LCORL: variants seen among roughly 807,000 people sequenced by gnomAD.
LCORL encodes ligand dependent nuclear receptor corepressor like.
LCORL carries 41 observed loss-of-function variants against 141.8 expected under a neutral mutation model. That is an observed-to-expected ratio of 0.29 (90% CI 0.23 to 0.38). LCORL has a LOEUF of 0.38. Among genes scored for constraint, LCORL ranks in the 10% least tolerant of loss-of-function variants. The pLI, the probability that LCORL is intolerant of heterozygous loss-of-function variation, is 1.00. For synonymous variants in LCORL, 618 were observed against 694.1 expected (o/e 0.89, Z 1.72); for missense variants, 1,759 against 2,035.0 (o/e 0.86, Z 2.61).
In LCORL at chr4:17,949,455, C is replaced by T. The variant is rs1243752075; in HGVS notation, c.430+12448G>A. Reference sequence around the variant, plus strand: ...GATTTTTTATTTGCCAACCTTGGCCCTCTAGCCTCTAGATAATTGTGAGAG... The same window carrying T: ...GATTTTTTATTTGCCAACCTTGGCCTTCTAGCCTCTAGATAATTGTGAGAG... On this transcript the variant is annotated intron_variant, in intron 4 of 7. Transcript: ENST00000635767. Among the ~76,000 whole-genome samples, 4 of 152,040 alleles carry T rather than the reference C, an allele frequency of 2.6e-5. No homozygotes were observed. In the East Asian group the frequency reaches 7.7e-4, roughly 29 times the overall value.
intron 1 of LCORL, among the ~76,000 whole-genome samples, chr4:18,018,289 C>T (rs1724927998): frequency 6.6e-6 from 1 of 152,234 alleles, no homozygotes; most frequent in South Asian, 2.1e-4. Context: ...TACTAGGATA[C>T]TATTTACTAC....
intron 1 of LCORL, among the ~76,000 whole-genome samples, chr4:17,985,001 T>A (rs1718703271): frequency 6.6e-6 from 1 of 152,122 alleles, no homozygotes; most frequent in Admixed American, 6.6e-5. Context: ...TTTGCTTTAA[T>A]TTCATTATTT....
At chr4:17,913,522 G>T (rs112865585) in intron 4 of LCORL, among the ~76,000 whole-genome samples, 2 of 152,296 alleles carry the variant, frequency 1.3e-5, no homozygotes, top group African/African-American at 4.8e-5. Context: ...GAATGTTCAA[G>T]GCATTTTGCT....
intron 5 of LCORL, among the ~76,000 whole-genome samples, chr4:17,887,848 G>C (rs1360942995): frequency 6.6e-6 from 1 of 152,062 alleles, no homozygotes. Flanking sequence ...TCGTTTCTGG[G>C]CTTTCACACT....
chr4:17,880,784 A>G, intron 6 of LCORL: 1 of 934,246 alleles, frequency 1.1e-6, no homozygotes, highest in Non-Finnish European at 1.3e-6. Context: ...CAAAGTAGGA[A>G]CAGAATTACA....
chr4:17,874,311 G>A (rs1456967518), exon 7 of LCORL: 2 of 1,233,736 alleles, frequency 1.6e-6, no homozygotes, highest in Non-Finnish European at 2.0e-6. Flanking sequence ...AGAAGAGAGT[G>A]CAAATTTTTT....
chr4:18,021,674 G>A lies in LCORL; in HGVS notation c.78C>T (p.Ser26=). The A allele has an allele frequency of 6.5e-7, 1 of 1,542,004 alleles. No homozygotes were observed. The highest frequency in any genetic ancestry group is 8.7e-7 in the Non-Finnish European group (1 of 1,143,792). ...CTCTTCTCTCCGCCGCGCACCGAGG[G>A]CTCCGGCACTGAGCGGCGGCGGCGG... The change falls in exon 1 of 8, where the codon AGC becomes AGT. Residue 26 remains serine, a synonymous_variant. Coordinates refer to ENST00000635767, the Ensembl canonical transcript of LCORL. This position sits in a 1 kb window ranked among gnomAD's most constrained non-coding sequence, Gnocchi z 5.5.
At chr4:17,998,903 T>C (rs1042015055) in intron 1 of LCORL, among the ~76,000 whole-genome samples, 3 of 139,262 alleles carry the variant, frequency 2.2e-5, no homozygotes, top group African/African-American at 8.1e-5. Context: ...AGGTCAAGGC[T>C]GCAGTGAGCC....
intron 7 of LCORL, among the ~76,000 whole-genome samples, chr4:17,865,766 C>T (rs1725570609): frequency 6.6e-6 from 1 of 152,168 alleles, no homozygotes; most frequent in Non-Finnish European, 1.5e-5. Flanking sequence ...ACCCCATACT[C>T]AATCAAACTC....
intron 7 of LCORL, among the ~76,000 whole-genome samples, chr4:17,867,565 T>C (rs1026567280): frequency 6.6e-6 from 1 of 152,228 alleles, no homozygotes; most frequent in Non-Finnish European, 1.5e-5. Flanking sequence ...CACCAGTATG[T>C]GGAATCAGCC....
At chr4:17,955,465 A>G (rs1004998364) in intron 4 of LCORL, among the ~76,000 whole-genome samples, 27 of 152,196 alleles carry the variant, frequency 1.8e-4, no homozygotes, top group African/African-American at 6.5e-4. Flanking sequence ...CTTGAAATAT[A>G]TTAGTTAACA....
At chr4:18,006,125 G>T (rs1255155311) in intron 1 of LCORL, among the ~76,000 whole-genome samples, 1 of 152,056 alleles carries the variant, frequency 6.6e-6, no homozygotes, top group African/African-American at 2.4e-5. Context: ...AATTTCTTCT[G>T]CCAGATACCC....
chr4:17,922,318 T>C (rs1383171474), intron 4 of LCORL, among the ~76,000 whole-genome samples: 2 of 152,180 alleles, frequency 1.3e-5, no homozygotes, highest in African/African-American at 2.4e-5. Flanking sequence ...TCTAAAAGTA[T>C]GGAGAACACT....
At chr4:18,012,083 A>T (rs1723899768) in intron 1 of LCORL, among the ~76,000 whole-genome samples, 1 of 152,248 alleles carries the variant, frequency 6.6e-6, no homozygotes, top group African/African-American at 2.4e-5. Context: ...AACACTTTTC[A>T]CATTCTTGGG....
intron 5 of LCORL, among the ~76,000 whole-genome samples, chr4:17,896,627 G>A (rs1401564781): frequency 6.6e-6 from 1 of 151,956 alleles, no homozygotes; most frequent in East Asian, 1.9e-4. Context: ...CTGAGTATGG[G>A]GTACATGAGA....
chr4:17,950,718 G>T (rs1739584100), intron 4 of LCORL, among the ~76,000 whole-genome samples: 1 of 151,748 alleles, frequency 6.6e-6, no homozygotes, highest in Admixed American at 6.6e-5. Context: ...ATGTTTATAA[G>T]TGAAAAAATC....
chr4:17,844,912 AT>A (rs1271981310), exon 8 of LCORL: 1 of 152,072 alleles, frequency 6.6e-6, no homozygotes, highest in African/African-American at 2.4e-5. Flanking sequence ...TCATGTAGCC[AT>A]TGCTGAAACT....
At chr4:17,961,821 T>C (rs1713848184) in intron 4 of LCORL, 82 bp downstream of exon 4, 10 of 1,083,172 alleles carry the variant, frequency 9.2e-6, no homozygotes, top group Non-Finnish European at 1.3e-5. Flanking sequence ...GAGACTGACA[T>C]ATAAAAAACT....
chr4:17,892,343 G>A (rs375365299), intron 5 of LCORL, among the ~76,000 whole-genome samples: 1 of 151,642 alleles, frequency 6.6e-6, no homozygotes, highest in Admixed American at 6.6e-5. Context: ...CAAGTAGCTG[G>A]GATTACAGGC....
Sources: gnomAD v4.1 joint callset for allele counts (sites outside exome capture counted in the v4.1 genomes callset) on GRCh38, gnomAD v4.1.1 for gene constraint, Gnocchi (gnomAD v3.1) non-coding constraint, MANE v1.5 for transcripts, NCBI Gene and HGNC (gene_info 2026-07-23, HGNC 2026-07-21) for gene names.